Variants in CACNB2 observed in about 807,000 individuals in gnomAD.
The protein encoded by CACNB2 is voltage-dependent L-type calcium channel subunit beta-2.
In CACNB2, 42 loss-of-function variants were observed where a neutral mutation model predicts 73.3. The observed-to-expected ratio is 0.57, with a 90% CI of 0.45 to 0.74. The LOEUF is 0.74. Among genes scored for constraint, CACNB2 ranks in the 30% least tolerant of loss-of-function variants. The probability of loss-of-function intolerance (pLI) is 0.00; values close to 1 mark genes in which losing one functional copy is unlikely to be tolerated. For synonymous variants in CACNB2, 348 were observed against 310.3 expected, an observed-to-expected ratio of 1.12 and a Z score of -1.28; for missense variants, 940 against 853.0, an observed-to-expected ratio of 1.10 and a Z score of -1.27.
chr10:18,450,086 T>A (rs16917372), intron 3 of CACNB2, among the ~76,000 whole-genome samples: 3,158 of 152,352 alleles, frequency 0.021, 100 homozygotes, highest in African/African-American at 0.072. Flanking sequence ...CCCTTGGGTC[T>A]GTATCATTCT....
Position 18,201,275 on chromosome 10 carries a change from CTT to C in CACNB2, c.213+50316_213+50317del, listed in dbSNP as rs11381087. Among the ~76,000 whole-genome samples, 697 of 138,624 alleles carry C rather than the reference CTT, an allele frequency of 5.0e-3. 2 individuals are homozygous for C. Among genetic ancestry groups the C allele is most frequent in the African/African-American group, 0.017 (633 of 37,608 alleles). The allele number at this position is 138,624 out of a possible 152,430, so 90.9% of individuals were successfully genotyped here. On this transcript the variant is annotated intron_variant, in intron 2 of 13. Coordinates refer to ENST00000324631, the MANE Select transcript of CACNB2 (RefSeq NM_201596.3). ...CCTGCCTTATAATAGGGTCCAGTAT[CTT>C]TTTTTTTTTTTTTTTGAGACATAGT...
At chr10:18,168,395 C>T (rs1195539358) in intron 2 of CACNB2, among the ~76,000 whole-genome samples, 1 of 152,114 alleles carries the variant, frequency 6.6e-6, no homozygotes, top group Non-Finnish European at 1.5e-5. Flanking sequence ...TAATTTTCCC[C>T]CCAAAATTGA....
intron 2 of CACNB2, among the ~76,000 whole-genome samples, chr10:18,297,045 G>A (rs1313583603): frequency 4.6e-5 from 7 of 152,106 alleles, no homozygotes; most frequent in Non-Finnish European, 8.8e-5. Context: ...TGTTAAAATC[G>A]TTTCCTCCTT....
chr10:18,513,917 A>G (rs1416648901), intron 6 of CACNB2, among the ~76,000 whole-genome samples: 2 of 152,258 alleles, frequency 1.3e-5, no homozygotes, highest in African/African-American at 2.4e-5. Context: ...CTGCACTTTT[A>G]TACAGTTGAT....
chr10:18,501,040 T>G, intron 5 of CACNB2, 92 bp downstream of exon 5: 2 of 1,247,684 alleles, frequency 1.6e-6, no homozygotes, highest in African/African-American at 3.0e-5. Context: ...CTTTATTATG[T>G]ATTAACAAGG....
At chr10:18,423,743 C>A (rs1420519500) in intron 3 of CACNB2, among the ~76,000 whole-genome samples, 1 of 152,034 alleles carries the variant, frequency 6.6e-6, no homozygotes, top group African/African-American at 2.4e-5. Context: ...CTAATATTCC[C>A]CCCTCCATGT....
intron 2 of CACNB2, among the ~76,000 whole-genome samples, chr10:18,375,109 TC>T (rs1217282845): frequency 1.3e-5 from 2 of 152,058 alleles, no homozygotes; most frequent in Non-Finnish European, 2.9e-5. Context: ...TCCCAGCTAC[TC>T]GGGAGGCAGG....
At chr10:18,440,827 A>C (rs555288120) in intron 3 of CACNB2, among the ~76,000 whole-genome samples, 1 of 152,332 alleles carries the variant, frequency 6.6e-6, no homozygotes, top group South Asian at 2.1e-4. Context: ...AGAAAGGGGA[A>C]AGAGAGGCAG....
intron 2 of CACNB2, among the ~76,000 whole-genome samples, chr10:18,345,925 A>T (rs1446476591): frequency 6.6e-6 from 1 of 152,232 alleles, no homozygotes; most frequent in Non-Finnish European, 1.5e-5. Flanking sequence ...TGACCGAAGC[A>T]CGCTTAGTAT....
chr10:18,309,226 T>TA (rs1564424335), intron 2 of CACNB2, among the ~76,000 whole-genome samples: 4 of 152,174 alleles, frequency 2.6e-5, no homozygotes. Flanking sequence ...CTCTTGTATT[T>TA]ATGACGGGAG....
intron 2 of CACNB2, among the ~76,000 whole-genome samples, chr10:18,355,639 T>C (rs372752016): frequency 2.0e-5 from 3 of 151,384 alleles, no homozygotes; most frequent in Non-Finnish European, 4.4e-5. Context: ...TCTTTTTTTT[T>C]TTTTTTTATT....
At chr10:18,373,073 C>G (rs2042654756) in intron 2 of CACNB2, among the ~76,000 whole-genome samples, 1 of 152,076 alleles carries the variant, frequency 6.6e-6, no homozygotes, top group African/African-American at 2.4e-5. Flanking sequence ...ACCATGGCCT[C>G]CCACAGTGCT....
chr10:18,238,853 T>A (rs1044096176), intron 2 of CACNB2, among the ~76,000 whole-genome samples: 1 of 152,214 alleles, frequency 6.6e-6, no homozygotes, highest in Non-Finnish European at 1.5e-5. Flanking sequence ...CGTAAACCAT[T>A]CAACTATTTT....
intron 2 of CACNB2, among the ~76,000 whole-genome samples, chr10:18,227,213 C>G (rs1258139717): frequency 6.6e-6 from 1 of 151,938 alleles, no homozygotes; most frequent in Non-Finnish European, 1.5e-5. Context: ...CAGATCAAAG[C>G]AAAAGAAGGA....
chr10:18,468,506 T>C (rs895841863), intron 3 of CACNB2, among the ~76,000 whole-genome samples: 1 of 152,190 alleles, frequency 6.6e-6, no homozygotes, highest in Non-Finnish European at 1.5e-5. Context: ...CTTTAAGTTA[T>C]ACAGCTAAAT....
intron 2 of CACNB2, among the ~76,000 whole-genome samples, chr10:18,189,631 GTGT>G (rs1013432710): frequency 6.6e-6 from 1 of 152,148 alleles, no homozygotes; most frequent in Non-Finnish European, 1.5e-5. Context: ...TATAAAAATT[GTGT>G]TGTTTTAATT....
chr10:18,258,485 T>C (rs2037378759), intron 2 of CACNB2, among the ~76,000 whole-genome samples: 1 of 152,270 alleles, frequency 6.6e-6, no homozygotes, highest in Non-Finnish European at 1.5e-5. Flanking sequence ...CCCAGCACTT[T>C]GGGAGGCCGA....
intron 2 of CACNB2, among the ~76,000 whole-genome samples, chr10:18,321,867 T>G (rs2040409180): frequency 6.6e-6 from 1 of 152,064 alleles, no homozygotes; most frequent in African/African-American, 2.4e-5. Context: ...GAGAAACCTT[T>G]CTAAGCCAGG....
intron 3 of CACNB2, among the ~76,000 whole-genome samples, chr10:18,414,984 C>G (rs931922449): frequency 9.9e-5 from 15 of 152,098 alleles, no homozygotes; most frequent in African/African-American, 3.6e-4. Context: ...ATGTTGAAAA[C>G]TGTGGAAAAA....
Sources: gnomAD v4.1 joint callset for allele counts (sites outside exome capture counted in the v4.1 genomes callset) on GRCh38, gnomAD v4.1.1 for gene constraint, MANE v1.5 for transcripts, NCBI Gene and HGNC (gene_info 2026-07-23, HGNC 2026-07-21) for gene names.